PPP1R7: variants seen among roughly 807,000 people sequenced by gnomAD.
The protein encoded by PPP1R7 is protein phosphatase 1 regulatory subunit 7, also known as protein phosphatase 1 regulatory subunit 22.
A neutral mutation model predicts 45.2 loss-of-function variants in PPP1R7; 18 were observed. That is an observed-to-expected ratio of 0.40 (90% CI 0.28 to 0.59). The LOEUF is 0.59. Ranked by LOEUF, PPP1R7 falls within the 20% of genes least tolerant of loss-of-function variation. The pLI, the probability that PPP1R7 is intolerant of heterozygous loss-of-function variation, is 0.46. For synonymous variants in PPP1R7, 181 were observed against 183.4 expected (o/e 0.99, Z 0.11); for missense variants, 314 against 455.8 (o/e 0.69, Z 2.83).
chr2:241,174,560 G>C (rs990145358), intron 9 of PPP1R7, among the ~76,000 whole-genome samples: 2 of 152,012 alleles, frequency 1.3e-5, no homozygotes, highest in African/African-American at 4.8e-5. Flanking sequence ...AGTTCCTCCA[G>C]GCAGAAGGCC....
upstream of PPP1R7, chr2:241,149,727 G>A: frequency 6.5e-7 from 1 of 1,547,604 alleles, no homozygotes; most frequent in East Asian, 2.4e-5. Flanking sequence ...CGCAGAGCTC[G>A]CCTCTTGGAG....
chr2:241,177,650 C>G (rs1200262299), intron 9 of PPP1R7, among the ~76,000 whole-genome samples: 1 of 152,158 alleles, frequency 6.6e-6, no homozygotes, highest in African/African-American at 2.4e-5. Context: ...CACAGTTCAC[C>G]AATATGATGC....
intron 2 of PPP1R7, among the ~76,000 whole-genome samples, chr2:241,157,434 T>G (rs1200652040): frequency 6.6e-6 from 1 of 152,232 alleles, no homozygotes; most frequent in Non-Finnish European, 1.5e-5. Flanking sequence ...GTTCTGCAGC[T>G]CTGGGAGTCA....
chr2:241,174,378 T>A (rs1218584837), intron 9 of PPP1R7, among the ~76,000 whole-genome samples: 2 of 152,172 alleles, frequency 1.3e-5, no homozygotes, highest in African/African-American at 4.8e-5. Context: ...CAGCTTCATC[T>A]TCAGTCCAGG....
chr2:241,154,158 T>G (rs1360243293), intron 2 of PPP1R7, among the ~76,000 whole-genome samples: 2 of 115,900 alleles, frequency 1.7e-5, no homozygotes, highest in African/African-American at 3.6e-5. Context: ...CCAGCCTAGG[T>G]GACAGAGGGA....
At chr2:241,172,421 G>A (rs1405012383) in intron 9 of PPP1R7, among the ~76,000 whole-genome samples, 1 of 152,134 alleles carries the variant, frequency 6.6e-6, no homozygotes, top group Non-Finnish European at 1.5e-5. Flanking sequence ...AAGGCAGGTG[G>A]ATCACCTGAG....
intron 9 of PPP1R7, among the ~76,000 whole-genome samples, chr2:241,181,249 T>TA (rs2068000523): frequency 6.6e-6 from 1 of 152,050 alleles, no homozygotes; most frequent in African/African-American, 2.4e-5. Context: ...AGATGCACGT[T>TA]ATATTCCTCT....
intron 7 of PPP1R7, 108 bp from the exon 8 acceptor site, chr2:241,166,229 C>T: frequency 5.3e-6 from 5 of 943,200 alleles, no homozygotes; most frequent in Non-Finnish European, 8.0e-6. Flanking sequence ...AAGTGAAATT[C>T]TCTGTTCTTA....
intron 7 of PPP1R7, among the ~76,000 whole-genome samples, chr2:241,164,819 A>G (rs2067670502): frequency 1.3e-5 from 2 of 152,192 alleles, no homozygotes; most frequent in Admixed American, 1.3e-4. Flanking sequence ...AGGCCAAGGC[A>G]GGCGGTTCAT....
chr2:241,180,570 T>C (rs2067985693), intron 9 of PPP1R7, among the ~76,000 whole-genome samples: 1 of 152,060 alleles, frequency 6.6e-6, no homozygotes, highest in East Asian at 1.9e-4. Flanking sequence ...CTCTCCACTT[T>C]AAGGGGCTCT....
chr2:241,168,667 G>T (rs574505559), intron 8 of PPP1R7, among the ~76,000 whole-genome samples: 12 of 152,194 alleles, frequency 7.9e-5, no homozygotes, highest in Non-Finnish European at 1.6e-4. Context: ...AGCATGCCAC[G>T]TATAGCCTGC....
At chr2:241,156,263 GGAGA>G (rs1220461454) in intron 2 of PPP1R7, among the ~76,000 whole-genome samples, 1 of 152,224 alleles carries the variant, frequency 6.6e-6, no homozygotes, top group Non-Finnish European at 1.5e-5. Flanking sequence ...TCTGTTTACA[GGAGA>G]AAGAACATCC....
intron 9 of PPP1R7, among the ~76,000 whole-genome samples, chr2:241,180,615 G>T (rs1406292210): frequency 6.6e-6 from 1 of 152,072 alleles, no homozygotes; most frequent in Admixed American, 6.5e-5. Context: ...CCAATCACAG[G>T]CCTGGCAGGT....
In PPP1R7 at chr2:241,174,382, G is replaced by A. The variant is rs559039906; in HGVS notation, c.906+4515G>A. Among the ~76,000 whole-genome samples the A allele has an allele frequency of 5.6e-4, 86 of 152,240 alleles. 2 individuals are homozygous for A. The South Asian group carries it at 0.018, about 31-fold the overall frequency. ...TCTGCCTAGCACAGCTTCATCTTCAGTCCAGGATTCCACAGGATACCATGT... is the reference window on the plus strand; with the variant it reads ...TCTGCCTAGCACAGCTTCATCTTCAATCCAGGATTCCACAGGATACCATGT... On this transcript the variant is annotated intron_variant, in intron 9 of 9. Transcript: ENST00000234038.
At chr2:241,154,222 G>A (rs572127751) in intron 2 of PPP1R7, among the ~76,000 whole-genome samples, 38 of 142,808 alleles carry the variant, frequency 2.7e-4, no homozygotes, top group African/African-American at 8.5e-4. Context: ...GAAAAGAACC[G>A]CAATATTGTT....
Position 241,183,002 on chromosome 2 carries a change from C to G in PPP1R7, c.*179C>G. 1 of 659,722 alleles carries G rather than the reference C, an allele frequency of 1.5e-6. No individual in the cohort carries two copies. The highest frequency in any genetic ancestry group is 2.5e-6 in the Non-Finnish European group (1 of 392,642). The allele number at this position is 659,722 out of a possible 1,614,324, so 40.9% of individuals were successfully genotyped here. A position where few individuals can be genotyped will look rare whatever the true frequency, so the allele number is the denominator to read the frequency against. On this transcript the variant is annotated 3_prime_UTR_variant, in exon 10 of 10. Transcript: ENST00000234038. The stretch of plus-strand genomic sequence containing the variant: ...CACACACCATTTTCAGATGCCGTTG[C>G]AATTAAATCTTGCCACACTGTCCTC...
chr2:241,157,717 A>G, intron 2 of PPP1R7, 90 bp from the exon 3 acceptor site: 2 of 1,321,752 alleles, frequency 1.5e-6, no homozygotes, highest in Non-Finnish European at 2.1e-6. Context: ...CTGGGCACCA[A>G]ACAGCCCCAG....
chr2:241,169,028 G>C (rs914920421), intron 8 of PPP1R7, among the ~76,000 whole-genome samples: 1 of 152,182 alleles, frequency 6.6e-6, no homozygotes, highest in Non-Finnish European at 1.5e-5. Flanking sequence ...CTTTTGATGA[G>C]AAACAAAATT....
chr2:241,162,683 CTTTTTT>C (rs1232024996), intron 6 of PPP1R7, among the ~76,000 whole-genome samples: 1 of 134,426 alleles, frequency 7.4e-6, no homozygotes, highest in Admixed American at 7.5e-5. Context: ...CTTGGGAGGA[CTTTTTT>C]TTTTTTTTTT....
Sources: gnomAD v4.1 joint callset for allele counts (sites outside exome capture counted in the v4.1 genomes callset) on GRCh38, gnomAD v4.1.1 for gene constraint, MANE v1.5 for transcripts, NCBI Gene and HGNC (gene_info 2026-07-23, HGNC 2026-07-21) for gene names.